KCNJ3: variants seen among roughly 807,000 people sequenced by gnomAD.
KCNJ3 encodes potassium inwardly rectifying channel subfamily J member 3.
Under a neutral mutation model 39.2 loss-of-function variants are expected in KCNJ3, and 4 were observed. The ratio of observed to expected loss-of-function variants is 0.10; its 90% CI spans 0.05 to 0.23. The LOEUF is 0.23. Among genes scored for constraint, KCNJ3 ranks in the 10% least tolerant of loss-of-function variants. The probability of loss-of-function intolerance (pLI) is 1.00; values close to 1 mark genes in which losing one functional copy is unlikely to be tolerated. For synonymous variants in KCNJ3, 230 were observed against 237.4 expected (o/e 0.97, Z 0.29); for missense variants, 276 against 634.9 (o/e 0.43, Z 6.08).
intron 2 of KCNJ3, among the ~76,000 whole-genome samples, chr2:154,812,403 C>CTCTTT (rs1687020770): frequency 6.6e-6 from 1 of 151,984 alleles, no homozygotes; most frequent in Non-Finnish European, 1.5e-5. Context: ...AGAGTTAGGA[C>CTCTTT]AAAAATTATA....
intron 2 of KCNJ3, among the ~76,000 whole-genome samples, chr2:154,737,905 A>G (rs752739216): frequency 6.6e-6 from 1 of 152,172 alleles, no homozygotes; most frequent in Non-Finnish European, 1.5e-5. Context: ...GTACATATGT[A>G]TTCAAGAAGC....
At chr2:154,749,764 T>C (rs1685806771) in intron 2 of KCNJ3, among the ~76,000 whole-genome samples, 1 of 152,024 alleles carries the variant, frequency 6.6e-6, no homozygotes, top group African/African-American at 2.4e-5. Flanking sequence ...TTTTCTTTTC[T>C]TTTTTCTTGG....
At chr2:154,778,682 G>A (rs2105201450) in intron 2 of KCNJ3, among the ~76,000 whole-genome samples, 1 of 152,194 alleles carries the variant, frequency 6.6e-6, no homozygotes, top group African/African-American at 2.4e-5. Context: ...TATTATTGAT[G>A]TATTTAATAA....
chr2:154,744,987 C>A (rs115531772), intron 2 of KCNJ3, among the ~76,000 whole-genome samples: 2 of 151,756 alleles, frequency 1.3e-5, no homozygotes, highest in African/African-American at 2.4e-5. Flanking sequence ...CTTTGACCCA[C>A]GGACTATTTA....
chr2:154,830,573 T>C (rs200156904), intron 2 of KCNJ3, among the ~76,000 whole-genome samples: 2 of 152,284 alleles, frequency 1.3e-5, no homozygotes, highest in East Asian at 3.9e-4. Context: ...GCCAGTGCTC[T>C]GTCAGCAGAT....
Position 154,753,200 on chromosome 2 carries a change from GC to G in KCNJ3, c.919+43383del, listed in dbSNP as rs201074333. On this transcript the variant is annotated intron_variant, in intron 2 of 2. Coordinates refer to ENST00000295101, the MANE Select transcript of KCNJ3 (RefSeq NM_002239.4). ...TAAAACTATAATTATAAAGTCAAAG[GC>G]CAGTGATATGACACTCCCCTGTTAC... Among the ~76,000 whole-genome samples the G allele has an allele frequency of 4.1e-4, 63 of 152,062 alleles. 1 individual carries two copies. The East Asian group carries it at 0.012, about 29-fold the overall frequency.
At chr2:154,850,054 T>G (rs1022651892) in intron 2 of KCNJ3, among the ~76,000 whole-genome samples, 5 of 106,086 alleles carry the variant, frequency 4.7e-5, no homozygotes, top group Non-Finnish European at 9.2e-5. Context: ...TACAAAATGT[T>G]TTTTATCTAA....
chr2:154,749,095 G>A (rs76871199), intron 2 of KCNJ3, among the ~76,000 whole-genome samples: 8,501 of 152,094 alleles, frequency 0.056, 278 homozygotes, highest in Middle Eastern at 0.078. Context: ...GTTTGGAATG[G>A]GCAGTGGTGG....
rs1196429555 is a variant in KCNJ3 at position 154,778,299 on chromosome 2, A to T, written c.919+68480A>T. Among the ~76,000 whole-genome samples, 8 of 152,310 alleles carry T rather than the reference A, an allele frequency of 5.3e-5. No homozygotes were observed. In the East Asian group the frequency reaches 1.5e-3, roughly 29 times the overall value. On this transcript the variant is annotated intron_variant, in intron 2 of 2. Transcript: ENST00000295101. ...ATTTTGTTCTTTTATTAAAACAAAG[A>T]CTTAGCAGTCATAGCTTATAATTTG...
At chr2:154,765,354 C>T (rs1207358543) in intron 2 of KCNJ3, among the ~76,000 whole-genome samples, 1 of 152,172 alleles carries the variant, frequency 6.6e-6, no homozygotes, top group Non-Finnish European at 1.5e-5. Flanking sequence ...ATCAAAGTCT[C>T]CTTTGTGGCA....
intron 2 of KCNJ3, among the ~76,000 whole-genome samples, chr2:154,747,536 G>A (rs1389465328): frequency 6.6e-6 from 1 of 151,936 alleles, no homozygotes; most frequent in African/African-American, 2.4e-5. Context: ...TTCCAGGTAG[G>A]CAGGGGTGGG....
intron 2 of KCNJ3, among the ~76,000 whole-genome samples, chr2:154,846,671 T>C (rs1202202030): frequency 6.6e-6 from 1 of 152,190 alleles, no homozygotes; most frequent in Admixed American, 6.5e-5. Context: ...GCAATATGAT[T>C]GTGAATTTCC....
chr2:154,783,109 C>T (rs376980751), intron 2 of KCNJ3, among the ~76,000 whole-genome samples: 58 of 152,038 alleles, frequency 3.8e-4, no homozygotes, highest in African/African-American at 1.4e-3. Flanking sequence ...ACCCGGGAGG[C>T]GGAGGTTGCG....
chr2:154,709,596 T>C lies in KCNJ3; in HGVS notation c.703-7T>C. On this transcript the variant is annotated splice_polypyrimidine_tract_variant and splice_region_variant and intron_variant, in intron 1 of 2. Transcript: ENST00000295101. ...GATTTCTTCTCTTTTTCTGTGTGCT[T>C]GTCTAGTCTCGGCAGACACCTGAGG... 1 of 1,612,278 alleles carries C rather than the reference T, an allele frequency of 6.2e-7. No homozygotes were observed. Among genetic ancestry groups the C allele is most frequent in the Non-Finnish European group, 8.5e-7 (1 of 1,178,844 alleles).
intron 2 of KCNJ3, among the ~76,000 whole-genome samples, chr2:154,809,226 C>T (rs1686967125): frequency 6.6e-6 from 1 of 152,156 alleles, no homozygotes; most frequent in African/African-American, 2.4e-5. Flanking sequence ...AGAGAAGAAA[C>T]CTGCAACTCC....
chr2:154,793,942 T>C lies in KCNJ3; in HGVS notation c.920-60785T>C, dbSNP rs1229333906. On this transcript the variant is annotated intron_variant, in intron 2 of 2. Transcript: ENST00000295101. The stretch of plus-strand genomic sequence containing the variant: ...CTGAGCCCAAACATTATGGTATATA[T>C]ATATTTTTTTTTCCTGAAGCAAATG... Among the ~76,000 whole-genome samples the C allele has an allele frequency of 2.0e-5, 3 of 152,060 alleles. No homozygotes were observed. The East Asian group carries it at 5.8e-4, about 29-fold the overall frequency.
At chr2:154,721,867 T>C (rs1685267819) in intron 2 of KCNJ3, among the ~76,000 whole-genome samples, 3 of 152,168 alleles carry the variant, frequency 2.0e-5, no homozygotes, top group Admixed American at 2.0e-4. Context: ...CTGGAATATG[T>C]TTTTGTGCTT....
chr2:154,850,596 C>T (rs1687743554), intron 2 of KCNJ3, among the ~76,000 whole-genome samples: 1 of 152,132 alleles, frequency 6.6e-6, no homozygotes, highest in South Asian at 2.1e-4. Flanking sequence ...ATATTGATTG[C>T]AAATTCATAA....
intron 2 of KCNJ3, among the ~76,000 whole-genome samples, chr2:154,828,985 A>AT (rs2105117149): frequency 1.3e-5 from 2 of 152,280 alleles, no homozygotes; most frequent in South Asian, 4.1e-4. Context: ...AAAACTTAAT[A>AT]AACACTTAAT....
Sources: allele counts gnomAD v4.1 joint callset (sites outside exome capture counted in the v4.1 genomes callset), GRCh38; gene constraint gnomAD v4.1.1; transcripts MANE v1.5; gene names NCBI Gene and HGNC (gene_info 2026-07-23, HGNC 2026-07-21).